EPHA6: variants seen among roughly 807,000 people sequenced by gnomAD.
EPHA6 encodes ephrin type-A receptor 6.
EPHA6 carries 50 observed loss-of-function variants against 112.0 expected under a neutral mutation model. That is an observed-to-expected ratio of 0.45 (90% CI 0.36 to 0.56). EPHA6 has a LOEUF of 0.56. Among genes scored for constraint, EPHA6 ranks in the 20% least tolerant of loss-of-function variants. The pLI is 0.00. For synonymous variants in EPHA6, 529 were observed against 490.7 expected, an observed-to-expected ratio of 1.08 and a Z score of -1.03; for missense variants, 1,280 against 1,417.4, an observed-to-expected ratio of 0.90 and a Z score of 1.56.
At chr3:97,250,593 C>G (rs985725490) in intron 5 of EPHA6, among the ~76,000 whole-genome samples, 1 of 152,094 alleles carries the variant, frequency 6.6e-6, no homozygotes, top group Non-Finnish European at 1.5e-5. Flanking sequence ...ACCAGATTAG[C>G]AGATGTTTAA....
At chr3:97,585,512 A>G (rs2093479450) in intron 11 of EPHA6, among the ~76,000 whole-genome samples, 1 of 152,228 alleles carries the variant, frequency 6.6e-6, no homozygotes, top group African/African-American at 2.4e-5. Flanking sequence ...AAATCTAGCC[A>G]TGAAACTGCA....
chr3:97,447,560 A>G (rs528334969), intron 6 of EPHA6, among the ~76,000 whole-genome samples: 2 of 152,300 alleles, frequency 1.3e-5, no homozygotes, highest in South Asian at 4.1e-4. Context: ...ATCATTGTAA[A>G]GTTATTGAAT....
At position 97,276,232 on chromosome 3, in the gene EPHA6, C is replaced by A. The variant is rs184277206; in HGVS notation, c.1606+31945C>A. 5.6e-3 allele frequency among the ~76,000 whole-genome samples: 846 copies of A among 152,224 alleles called. 4 individuals are homozygous for A. The highest frequency in any genetic ancestry group is 0.019 in the African/African-American group (777 of 41,528). The stretch of plus-strand genomic sequence containing the variant: ...CTAGGGGGCTTCCGAGGCGATCGGG[C>A]AGTGTCAGTCTTCAGCCTCTAAGTG... On this transcript the variant is annotated intron_variant, in intron 5 of 17. Transcript: ENST00000389672.
At chr3:97,249,122 T>A (rs188414214) in intron 5 of EPHA6, among the ~76,000 whole-genome samples, 1 of 152,240 alleles carries the variant, frequency 6.6e-6, no homozygotes, top group Admixed American at 6.5e-5. Flanking sequence ...ATGATAAGTT[T>A]TATTTTGTTT....
intron 5 of EPHA6, among the ~76,000 whole-genome samples, chr3:97,260,241 T>C (rs9812299): frequency 0.068 from 10,378 of 152,258 alleles, 1,136 homozygotes; most frequent in African/African-American, 0.23. Context: ...GCATTTGGGT[T>C]GCCCTAACAG....
intron 14 of EPHA6, among the ~76,000 whole-genome samples, chr3:97,638,636 C>A (rs959142689): frequency 6.6e-6 from 1 of 152,050 alleles, no homozygotes; most frequent in African/African-American, 2.4e-5. Flanking sequence ...AGAACCAAAC[C>A]GTCATCCACA....
chr3:96,997,735 C>T (rs1379703166), intron 3 of EPHA6, among the ~76,000 whole-genome samples: 2 of 152,040 alleles, frequency 1.3e-5, no homozygotes, highest in East Asian at 3.9e-4. Flanking sequence ...ATCTACATTA[C>T]ATGTAATAAG....
chr3:97,376,012 AC>A (rs2085328761), intron 5 of EPHA6, among the ~76,000 whole-genome samples: 1 of 152,162 alleles, frequency 6.6e-6, no homozygotes, highest in Non-Finnish European at 1.5e-5. Context: ...ACAGATGAAA[AC>A]CTTTATGAAA....
At chr3:97,107,275 A>G (rs1311913983) in intron 3 of EPHA6, among the ~76,000 whole-genome samples, 1 of 152,170 alleles carries the variant, frequency 6.6e-6, no homozygotes, top group Admixed American at 6.6e-5. Context: ...AGTAAATAGT[A>G]GTGAGAAGAG....
intron 5 of EPHA6, among the ~76,000 whole-genome samples, chr3:97,339,164 T>G (rs2083193348): frequency 6.6e-6 from 1 of 152,182 alleles, no homozygotes; most frequent in South Asian, 2.1e-4. Flanking sequence ...AATGGAGTCA[T>G]GTAATGTGCA....
At chr3:97,412,549 T>C (rs1172887191) in intron 6 of EPHA6, among the ~76,000 whole-genome samples, 2 of 152,086 alleles carry the variant, frequency 1.3e-5, no homozygotes, top group African/African-American at 4.8e-5. Context: ...CATTTTGTTA[T>C]GCTTTGCTAT....
intron 5 of EPHA6, among the ~76,000 whole-genome samples, chr3:97,259,256 T>C (rs1384449347): frequency 6.6e-6 from 1 of 152,176 alleles, no homozygotes; most frequent in Non-Finnish European, 1.5e-5. Context: ...TCTATGTAAA[T>C]AGAAATAATT....
At chr3:96,974,849 A>T (rs1029888570) in intron 2 of EPHA6, among the ~76,000 whole-genome samples, 3 of 152,190 alleles carry the variant, frequency 2.0e-5, no homozygotes, top group Admixed American at 6.5e-5. Flanking sequence ...ATTCTAAGAC[A>T]TACATGTTGA....
intron 5 of EPHA6, among the ~76,000 whole-genome samples, chr3:97,320,235 C>A (rs566621858): frequency 6.6e-6 from 1 of 152,110 alleles, no homozygotes; most frequent in African/African-American, 2.4e-5. Flanking sequence ...ACTAATTCTC[C>A]AGGCTAAGAC....
At chr3:97,521,858 T>C (rs140480614) in intron 10 of EPHA6, among the ~76,000 whole-genome samples, 6 of 148,228 alleles carry the variant, frequency 4.0e-5, no homozygotes, top group Non-Finnish European at 7.4e-5. Context: ...AAAGCTGAAA[T>C]GGTCAATATG....
Position 96,859,121 on chromosome 3 carries a change from C to CGT in EPHA6, c.386-7704_386-7703insGT, listed in dbSNP as rs1162601279. Among the ~76,000 whole-genome samples the CGT allele has an allele frequency of 5.5e-4, 10 of 18,250 alleles. No individual in the cohort carries two copies. The East Asian group carries it at 0.051, about 92-fold the overall frequency. The allele number at this position is 18,250 out of a possible 152,430, so 12.0% of individuals were successfully genotyped here. ...TCTTGCTCATGATCCCTTTTGATTACCTCATTCATTCATTTTCTTCAACAG... is the reference window on the plus strand; with the variant it reads ...TCTTGCTCATGATCCCTTTTGATTACGTCTCATTCATTCATTTTCTTCAACAG... On this transcript the variant is annotated intron_variant, in intron 1 of 17. Transcript: ENST00000389672.
At chr3:96,909,506 A>G (rs1206077125) in intron 2 of EPHA6, among the ~76,000 whole-genome samples, 1 of 151,962 alleles carries the variant, frequency 6.6e-6, no homozygotes, top group Non-Finnish European at 1.5e-5. Context: ...AATTGACTAT[A>G]CAATGTATGT....
chr3:96,927,190 C>G (rs2040081311), intron 2 of EPHA6, among the ~76,000 whole-genome samples: 1 of 152,204 alleles, frequency 6.6e-6, no homozygotes, highest in South Asian at 2.1e-4. Context: ...ACCTTGGCCT[C>G]TTTTAGCCAC....
In EPHA6 at chr3:97,759,036, G is replaced by T. The variant is rs2036093335; in HGVS notation, c.*10335G>T. On this transcript the variant is annotated 3_prime_UTR_variant, in exon 18 of 18. Transcript: ENST00000389672. The stretch of plus-strand genomic sequence containing the variant: ...AAATCACCTAGGAAAAGCCTGTGGA[G>T]GTAGGCCTAGGATTGCACTATATGC... 6.6e-6 allele frequency among the ~76,000 whole-genome samples: 1 copy of T among 151,996 alleles called. No homozygotes were observed. Among genetic ancestry groups the T allele is most frequent in the African/African-American group, 2.4e-5 (1 of 41,426 alleles).
Sources: allele counts gnomAD v4.1 joint callset (sites outside exome capture counted in the v4.1 genomes callset), GRCh38; gene constraint gnomAD v4.1.1; transcripts MANE v1.5; gene names NCBI Gene and HGNC (gene_info 2026-07-23, HGNC 2026-07-21).